ZNF575: variants seen among roughly 807,000 people sequenced by gnomAD.
ZNF575 encodes the protein zinc finger protein 575.
Under a neutral mutation model 17.5 loss-of-function variants are expected in ZNF575, and 17 were observed. The observed-to-expected ratio is 0.97, with a 90% CI of 0.66 to 1.45. The LOEUF (loss-of-function observed/expected upper bound fraction) is 1.45. Ranked by LOEUF, ZNF575 falls within the 40% of genes most tolerant of loss-of-function variation. The pLI is 0.00. For synonymous variants in ZNF575, 146 were observed against 158.3 expected (o/e 0.92, Z 0.58); for missense variants, 352 against 359.2 (o/e 0.98, Z 0.16).
intron 3 of ZNF575, 36 bp downstream of exon 3, chr19:43,534,537 C>A: frequency 2.8e-6 from 4 of 1,405,438 alleles, no homozygotes; most frequent in South Asian, 1.6e-5. Flanking sequence ...GGAGCATTCT[C>A]CAGGAACGGG....
chr19:43,534,592 G>T, intron 3 of ZNF575, 91 bp downstream of exon 3: 1 of 1,253,106 alleles, frequency 8.0e-7, no homozygotes, highest in South Asian at 1.7e-5. Flanking sequence ...GTGAAAATTT[G>T]AGGGCCCTAG....
In ZNF575 at chr19:43,535,562, C is replaced by G; in HGVS notation, c.613C>G (p.Pro205Ala). 1 of 1,613,918 alleles carries G rather than the reference C, an allele frequency of 6.2e-7. No homozygotes were observed. The highest frequency in any genetic ancestry group is 1.3e-5 in the African/African-American group (1 of 75,064). Residue 205 changes from proline to alanine, a missense_variant, in exon 4 of 4, where the codon CCC (proline) becomes GCC (alanine). Pro to Ala is a conservative substitution (Grantham distance 27). Coordinates refer to ENST00000314228, the MANE Select transcript of ZNF575 (RefSeq NM_174945.3). Reference protein sequence around the residue: ...HRLCHDPPTAPGSQATAWHRC... With the variant: ...HRLCHDPPTAAGSQATAWHRC... ...CCTATGTCACGACCCCCCAACCGCG[C>G]CCGGCAGCCAGGCGACTGCCTGGCA...
chr19:43,534,862 G>C (rs558461232), intron 3 of ZNF575, among the ~76,000 whole-genome samples, 167 bp from the exon 4 acceptor site: 2 of 152,236 alleles, frequency 1.3e-5, no homozygotes, highest in African/African-American at 4.8e-5. Flanking sequence ...ATGACGCCTG[G>C]GGGGAGGGGG....
In ZNF575 at chr19:43,535,101, CCCGGCCTCG is replaced by C; in HGVS notation, c.158_166del (p.Pro53_Arg55del). ...CCCACCGCGTCCGCGGGCTCGCCTC[CCCGGCCTCG>C]CCGGCGGCCCCCGCCCCAGCGCCCG... On this transcript the variant is annotated inframe_deletion, in exon 4 of 4. Coordinates refer to ENST00000314228, the MANE Select transcript of ZNF575 (RefSeq NM_174945.3). 2 of 1,514,224 alleles carry C rather than the reference CCCGGCCTCG, an allele frequency of 1.3e-6. No homozygotes were observed. Among genetic ancestry groups the C allele is most frequent in the South Asian group, 1.2e-5 (1 of 80,296 alleles). 93.8% of individuals were successfully genotyped at this position (1,514,224 alleles called of 1,614,324 possible).
chr19:43,531,539 G>A (rs1972344009), upstream of ZNF575, among the ~76,000 whole-genome samples: 3 of 152,074 alleles, frequency 2.0e-5, no homozygotes, highest in Admixed American at 1.3e-4. Context: ...CCAAGATTGC[G>A]CCACTGCACT....
Position 43,535,566 on chromosome 19 carries a change from G to C in ZNF575, c.617G>C (p.Gly206Ala). ...RLCHDPPTAP[G>A]SQATAWHRCS... is the part of the protein sequence containing the mutation. ...TGTCACGACCCCCCAACCGCGCCCG[G>C]CAGCCAGGCGACTGCCTGGCACCGA... The change falls in exon 4 of 4, where the codon GGC (glycine) becomes GCC (alanine). Residue 206 changes from glycine (G) to alanine (A), a missense_variant. Gly to Ala is a moderately conservative substitution (Grantham distance 60). Coordinates refer to ENST00000314228, the MANE Select transcript of ZNF575 (RefSeq NM_174945.3). 1.9e-6 allele frequency: 3 copies of C among 1,613,820 alleles called. No homozygotes were observed. The highest frequency in any genetic ancestry group is 1.6e-4 in the Middle Eastern group (1 of 6,062).
chr19:43,531,173 C>A (rs1261643286), upstream of ZNF575, among the ~76,000 whole-genome samples: 1 of 151,112 alleles, frequency 6.6e-6, no homozygotes, highest in African/African-American at 2.4e-5. Context: ...CACCTGTAAT[C>A]CCAGCTACTC....
upstream of ZNF575, among the ~76,000 whole-genome samples, chr19:43,531,445 TGTG>T (rs1972342165): frequency 6.6e-6 from 1 of 151,604 alleles, no homozygotes; most frequent in African/African-American, 2.4e-5. Context: ...AGCTGGGTGT[TGTG>T]GTGAACACCT....
At chr19:43,532,217 C>T (rs1972354312), upstream of ZNF575, among the ~76,000 whole-genome samples, 1 of 151,710 alleles carries the variant, frequency 6.6e-6, no homozygotes. Flanking sequence ...TTAGTAGAGA[C>T]GGGTTTTCAC....
chr19:43,531,656 G>A (rs1428539074), upstream of ZNF575: 1 of 441,360 alleles, frequency 2.3e-6, no homozygotes, highest in Non-Finnish European at 4.0e-6. Flanking sequence ...TAGATCTTAA[G>A]TCAAGCAAAT....
Position 43,535,389 on chromosome 19 carries a change from A to ACCCCTGCC in ZNF575, c.443_444insCTGCCCCC (p.Asp151ArgfsTer115). 6.7e-7 allele frequency: 1 copy of ACCCCTGCC among 1,501,758 alleles called. No individual in the cohort carries two copies. The highest frequency in any genetic ancestry group is 2.4e-5 in the East Asian group (1 of 42,054). The allele number at this position is 1,501,758 out of a possible 1,614,324, so 93.0% of individuals were successfully genotyped here. Reference sequence around the variant, plus strand: ...TGGACCCACGCACCCACCCGCCCCTACCCGTGCCCCGACTGCCCCAAGTCC... The same window carrying ACCCCTGCC: ...TGGACCCACGCACCCACCCGCCCCTACCCCTGCCCCCGTGCCCCGACTGCCCCAAGTCC... On this transcript the variant is annotated frameshift_variant, in exon 4 of 4. Coordinates refer to ENST00000314228, the MANE Select transcript of ZNF575 (RefSeq NM_174945.3). LOFTEE classifies it high-confidence loss of function.
intron 3 of ZNF575, 129 bp downstream of exon 3, chr19:43,534,630 C>T: frequency 2.2e-6 from 2 of 891,778 alleles, no homozygotes; most frequent in Admixed American, 3.8e-5. Flanking sequence ...ATCCCCAAAA[C>T]TGCCACATTC....
Position 43,535,407 on chromosome 19 carries a change from C to G in ZNF575, c.458C>G (p.Pro153Arg). The change falls in exon 4 of 4, where the codon CCC (proline) becomes CGC (arginine). Residue 153 changes from proline (P) to arginine (R), a missense_variant. Transcript: ENST00000314228. ...CGCCCCTACCCGTGCCCCGACTGCCCCAAGTCCTTCTGCTACCCTTCCAAG... is the reference window on the plus strand; with the variant it reads ...CGCCCCTACCCGTGCCCCGACTGCCGCAAGTCCTTCTGCTACCCTTCCAAG... ...PTRPYPCPDC[P>R]KSFCYPSKLA... 1 of 1,589,592 alleles carries G rather than the reference C, an allele frequency of 6.3e-7. No homozygotes were observed. Among genetic ancestry groups the G allele is most frequent in the Non-Finnish European group, 8.6e-7 (1 of 1,162,686 alleles).
chr19:43,534,443 G>A lies in ZNF575; in HGVS notation c.21G>A (p.Glu7=). Residue 7 remains glutamate (E), a synonymous_variant, in exon 3 of 4, where the codon GAG becomes GAA. Transcript: ENST00000314228. MLERGA[E]SAAGATDPSP... ...GCAAGATGCTGGAGCGAGGCGCGGA[G>A]TCCGCGGCCGGGGCTACCGATCCTA... The A allele has an allele frequency of 6.4e-7, 1 of 1,551,294 alleles. No individual in the cohort carries two copies. Among genetic ancestry groups the A allele is most frequent in the East Asian group, 2.5e-5 (1 of 40,638 alleles).
At chr19:43,534,258 C>A in intron 2 of ZNF575, 79 bp from the exon 3 acceptor site, 1 of 638,904 alleles carries the variant, frequency 1.6e-6, no homozygotes. Flanking sequence ...TAGGCTCCGC[C>A]TCCCCGCTAA....
chr19:43,534,461 C>G lies in ZNF575; in HGVS notation c.39C>G (p.Thr13=), dbSNP rs751523841. 6 of 1,517,284 alleles carry G rather than the reference C, an allele frequency of 4.0e-6. No individual in the cohort carries two copies. Among genetic ancestry groups the G allele is most frequent in the South Asian group, 2.6e-5 (2 of 77,860 alleles). 94.0% of individuals were successfully genotyped at this position (1,517,284 alleles called of 1,614,324 possible). The stretch of plus-strand genomic sequence containing the variant: ...GCGCGGAGTCCGCGGCCGGGGCTAC[C>G]GATCCTAGTCCCACTGGCAAGGAAC... The part of the protein sequence containing the change: ...ERGAESAAGA[T]DPSPTGKEPV... The change falls in exon 3 of 4, where the codon ACC becomes ACG. Residue 13 remains threonine, a synonymous_variant. Transcript: ENST00000314228.
upstream of ZNF575, chr19:43,533,125 T>C (rs1972362728): frequency 6.6e-6 from 1 of 152,268 alleles, no homozygotes; most frequent in South Asian, 2.1e-4. Context: ...GTCTTGTACA[T>C]GCTTGACTCC....
rs1316169546 is a variant in ZNF575, at chr19:43,535,245, C to T, written c.296C>T (p.Ala99Val). The change falls in exon 4 of 4, where the codon GCC becomes GTC. Residue 99 changes from alanine (A) to valine (V), a missense_variant. By Grantham distance (64) the Ala-to-Val change is moderately conservative (BLOSUM62 0). Coordinates refer to ENST00000314228, the MANE Select transcript of ZNF575 (RefSeq NM_174945.3). ...CACCCATGCCCAGACTGCCCCAAGG[C>T]CTTCTCCTACCCCTCCAAGCTGGCA... ...RPHPCPDCPK[A>V]FSYPSKLAAH... 3 of 1,612,006 alleles carry T rather than the reference C, an allele frequency of 1.9e-6. No individual in the cohort carries two copies. In the African/African-American group the frequency reaches 4.0e-5, roughly 22 times the overall value.
upstream of ZNF575, chr19:43,533,050 AAAG>A (rs1489779427): frequency 6.6e-6 from 1 of 152,180 alleles, no homozygotes; most frequent in Non-Finnish European, 1.5e-5. Context: ...GAATTCTCGA[AAAG>A]AAGAGGGACA....
Sources: allele counts gnomAD v4.1 joint callset (sites outside exome capture counted in the v4.1 genomes callset), GRCh38; gene constraint gnomAD v4.1.1; transcripts MANE v1.5; gene names NCBI Gene and HGNC (gene_info 2026-07-23, HGNC 2026-07-21).